Variants in PPP1R12B observed in about 807,000 individuals in gnomAD.
PPP1R12B encodes the protein protein phosphatase 1 regulatory subunit 12B, also known as myosin phosphatase target subunit 2.
Under a neutral mutation model 126.1 loss-of-function variants are expected in PPP1R12B, and 76 were observed. The ratio of observed to expected loss-of-function variants is 0.60; its 90% CI spans 0.50 to 0.73. PPP1R12B has a LOEUF of 0.73. PPP1R12B is among the 30% of genes least tolerant of loss of function. PPP1R12B has a pLI of 0.00. For missense variants in PPP1R12B, 1,052 were observed against 1,205.1 expected, an observed-to-expected ratio of 0.87 and a Z score of 1.88; for synonymous variants, 356 against 434.7, an observed-to-expected ratio of 0.82 and a Z score of 2.25.
intron 1 of PPP1R12B, among the ~76,000 whole-genome samples, chr1:202,396,164 A>G (rs533222417): frequency 2.6e-5 from 4 of 152,258 alleles, no homozygotes; most frequent in African/African-American, 7.2e-5. Flanking sequence ...CCTTTTAACA[A>G]GTGCTTTAAC....
intron 18 of PPP1R12B, among the ~76,000 whole-genome samples, chr1:202,542,166 C>T (rs927936670): frequency 3.9e-5 from 6 of 152,208 alleles, no homozygotes; most frequent in Non-Finnish European, 8.8e-5. Context: ...CTTAAGATCT[C>T]CCTAGCCTAG....
At chr1:202,486,282 G>A (rs1678110259) in intron 13 of PPP1R12B, among the ~76,000 whole-genome samples, 1 of 151,610 alleles carries the variant, frequency 6.6e-6, no homozygotes, top group Non-Finnish European at 1.5e-5. Flanking sequence ...AAGCTCTCTG[G>A]GGTTCTCAAT....
At chr1:202,462,095 G>A (rs749602538) in intron 13 of PPP1R12B, among the ~76,000 whole-genome samples, 8 of 152,176 alleles carry the variant, frequency 5.3e-5, no homozygotes, top group Admixed American at 2.0e-4. Context: ...TTTTAAAATC[G>A]GTTATAGTGA....
At position 202,500,137 on chromosome 1, in the gene PPP1R12B, A is replaced by G. The variant is rs563371843; in HGVS notation, c.2490+3315A>G. Among the ~76,000 whole-genome samples the G allele has an allele frequency of 2.1e-4, 32 of 152,320 alleles. 1 individual carries two copies. Among genetic ancestry groups the G allele is most frequent in the Middle Eastern group, 3.4e-3 (1 of 294 alleles). ...ACCACTTGGTATTTATCCAGAGGAA[A>G]GAAAAACAGTGTATCAAAGAGATGA... On this transcript the variant is annotated intron_variant, in intron 18 of 23. Coordinates refer to ENST00000608999, the MANE Select transcript of PPP1R12B (RefSeq NM_002481.4).
rs1397068678 is a variant in PPP1R12B, at chr1:202,410,072, T to A, written c.292-6715T>A. ...CATACAGATATATGATGTGCAAATT[T>A]AAAAACTTTATTATGTACATATATT... On this transcript the variant is annotated intron_variant, in intron 1 of 23. Coordinates refer to ENST00000608999, the MANE Select transcript of PPP1R12B (RefSeq NM_002481.4). The A allele has an allele frequency of 4.6e-5, 7 of 152,242 alleles. No homozygotes were observed. In the East Asian group the frequency reaches 1.3e-3, roughly 29 times the overall value. 9.4% of individuals were successfully genotyped at this position (152,242 alleles called of 1,614,324 possible). A position where few individuals can be genotyped will look rare whatever the true frequency, so the allele number is the denominator to read the frequency against.
At position 202,495,419 on chromosome 1, in the gene PPP1R12B, C is replaced by T. The variant is rs1679427518; in HGVS notation, c.2272C>T (p.Pro758Ser). Residue 758 changes from proline (P) to serine (S), a missense_variant, in exon 16 of 24, where the codon CCT becomes TCT. Coordinates refer to ENST00000608999, the MANE Select transcript of PPP1R12B (RefSeq NM_002481.4). The part of the protein sequence containing the change: ...HLLWTNRFSV[P>S]DSESSETTTN... Reference sequence around the variant, plus strand: ...GCTATGGACAAATAGATTTTCAGTCCCTGATTCTGAGAGTTCAGAGACTAC... The same window carrying T: ...GCTATGGACAAATAGATTTTCAGTCTCTGATTCTGAGAGTTCAGAGACTAC... 6.2e-7 allele frequency: 1 copy of T among 1,611,176 alleles called. No homozygotes were observed. The highest frequency in any genetic ancestry group is 1.3e-5 in the African/African-American group (1 of 74,836).
chr1:202,554,839 G>C (rs963198778), intron 18 of PPP1R12B, among the ~76,000 whole-genome samples: 16 of 151,782 alleles, frequency 1.1e-4, no homozygotes, highest in African/African-American at 3.9e-4. Context: ...TAAGAGCGTA[G>C]GTCATCAACT....
At chr1:202,397,679 C>T (rs528891842) in intron 1 of PPP1R12B, among the ~76,000 whole-genome samples, 2 of 152,094 alleles carry the variant, frequency 1.3e-5, no homozygotes, top group South Asian at 2.1e-4. Context: ...TAAGAAAACC[C>T]AATCCTTTTA....
intron 18 of PPP1R12B, among the ~76,000 whole-genome samples, chr1:202,541,181 G>A (rs1685091222): frequency 6.6e-6 from 1 of 152,028 alleles, no homozygotes; most frequent in Non-Finnish European, 1.5e-5. Flanking sequence ...CCTTATTTAG[G>A]GAGCTATGGG....
In PPP1R12B at chr1:202,431,553, A is replaced by G. The variant is rs528139218; in HGVS notation, c.1075A>G (p.Ser359Gly). The change falls in exon 8 of 24, where the codon AGC becomes GGC. Residue 359 changes from serine (S) to glycine (G), a missense_variant. By Grantham distance (56) the Ser-to-Gly change is moderately conservative. Transcript: ENST00000608999. ...GGAGGAAGAAAATAAAGAATCTAGT[A>G]GCTCCAGCTCAGAGGAGGAGGAAGG... ...EMEEENKESS[S>G]SSSEEEEGED... 4.8e-5 allele frequency: 78 copies of G among 1,613,346 alleles called. No homozygotes were observed. Among genetic ancestry groups the G allele is most frequent in the Non-Finnish European group, 6.4e-5 (75 of 1,179,594 alleles).
At chr1:202,392,318 C>G (rs1374204600) in intron 1 of PPP1R12B, among the ~76,000 whole-genome samples, 1 of 152,118 alleles carries the variant, frequency 6.6e-6, no homozygotes, top group Non-Finnish European at 1.5e-5. Flanking sequence ...AATACTGATT[C>G]ATGCTACAGT....
chr1:202,455,529 T>C (rs1449150777), intron 13 of PPP1R12B, among the ~76,000 whole-genome samples: 1 of 152,244 alleles, frequency 6.6e-6, no homozygotes, highest in Non-Finnish European at 1.5e-5. Flanking sequence ...ATCCATATGA[T>C]AGCATGTATC....
chr1:202,442,990 G>A (rs1015251226), intron 12 of PPP1R12B: 5 of 617,018 alleles, frequency 8.1e-6, no homozygotes, highest in Non-Finnish European at 1.0e-5. Context: ...GTGGGAAATG[G>A]GGACAGTTTT....
At chr1:202,393,002 C>G (rs1043085334) in intron 1 of PPP1R12B, among the ~76,000 whole-genome samples, 2 of 152,076 alleles carry the variant, frequency 1.3e-5, no homozygotes. Flanking sequence ...CTGGAGTGCA[C>G]TGGTGCGATC....
At chr1:202,541,085 T>C (rs1685077797) in intron 18 of PPP1R12B, among the ~76,000 whole-genome samples, 1 of 152,202 alleles carries the variant, frequency 6.6e-6, no homozygotes, top group Non-Finnish European at 1.5e-5. Context: ...GCATATTAGG[T>C]AGCAGGCAAT....
At chr1:202,411,891 C>A (rs1230702827) in intron 1 of PPP1R12B, among the ~76,000 whole-genome samples, 1 of 152,140 alleles carries the variant, frequency 6.6e-6, no homozygotes, top group African/African-American at 2.4e-5. Context: ...ACAGGTTCTC[C>A]TGTACTCAAG....
At chr1:202,555,087 T>G (rs1208836950) in intron 18 of PPP1R12B, among the ~76,000 whole-genome samples, 3 of 152,070 alleles carry the variant, frequency 2.0e-5, no homozygotes, top group Non-Finnish European at 4.4e-5. Flanking sequence ...GTTTTTCAAT[T>G]TTTAAGTGTT....
Position 202,558,873 on chromosome 1 carries a change from C to G in PPP1R12B, c.2491-4C>G. 6.4e-7 allele frequency: 1 copy of G among 1,560,052 alleles called. No individual in the cohort carries two copies. Among genetic ancestry groups the G allele is most frequent in the Non-Finnish European group, 8.8e-7 (1 of 1,138,890 alleles). ...TTGTTTTTGTTTTTGTCTCCTTTCT[C>G]TAGCATGAAAGACTTTCTAGGTAAG... On this transcript the variant is annotated splice_polypyrimidine_tract_variant and splice_region_variant and intron_variant, in intron 18 of 23. Coordinates refer to ENST00000608999, the MANE Select transcript of PPP1R12B (RefSeq NM_002481.4).
intron 1 of PPP1R12B, among the ~76,000 whole-genome samples, chr1:202,401,281 C>T (rs887120774): frequency 1.1e-4 from 17 of 150,686 alleles, no homozygotes; most frequent in African/African-American, 4.2e-4. Flanking sequence ...TTTTGACCTC[C>T]TGGGTTTAAG....
Sources: gnomAD v4.1 joint callset for allele counts (sites outside exome capture counted in the v4.1 genomes callset) on GRCh38, gnomAD v4.1.1 for gene constraint, MANE v1.5 for transcripts, NCBI Gene and HGNC (gene_info 2026-07-23, HGNC 2026-07-21) for gene names.